Variants in TRPV4 observed in about 807,000 individuals in gnomAD.
TRPV4 encodes transient receptor potential cation channel subfamily V member 4, also known as OSM9-like transient receptor potential channel 4.
TRPV4 carries 58 observed loss-of-function variants against 84.1 expected under a neutral mutation model. The ratio of observed to expected loss-of-function variants is 0.69; its 90% CI spans 0.56 to 0.86. The LOEUF (loss-of-function observed/expected upper bound fraction) is 0.86, where lower values mean the gene tolerates loss of function less well. Among genes scored for constraint, TRPV4 ranks in the 40% least tolerant of loss-of-function variants. TRPV4 has a pLI of 0.00. For missense variants in TRPV4, 879 were observed against 1,181.1 expected (o/e 0.74, Z 3.75); for synonymous variants, 489 against 500.9 (o/e 0.98, Z 0.32).
At chr12:109,791,047 C>A (rs1889992799) in intron 12 of TRPV4, among the ~76,000 whole-genome samples, 1 of 152,178 alleles carries the variant, frequency 6.6e-6, no homozygotes, top group Middle Eastern at 3.2e-3. Flanking sequence ...CAAACCTGGC[C>A]CAGGGCAGCA....
chr12:109,823,469 GT>G (rs1892166140), intron 1 of TRPV4, among the ~76,000 whole-genome samples: 1 of 152,266 alleles, frequency 6.6e-6, no homozygotes, highest in African/African-American at 2.4e-5. Flanking sequence ...CAGGGACCAA[GT>G]CATTTCCAAG....
At position 109,786,782 on chromosome 12, in the gene TRPV4, G is replaced by A. The variant is rs746363121; in HGVS notation, c.2264C>T (p.Ala755Val). 5 of 1,614,050 alleles carry A rather than the reference G, an allele frequency of 3.1e-6. No individual in the cohort carries two copies. Among genetic ancestry groups the A allele is most frequent in the South Asian group, 1.1e-5 (1 of 91,084 alleles). The change falls in exon 14 of 16, where the codon GCC becomes GTC. Residue 755 changes from alanine (A) to valine (V), a missense_variant. Around this residue, in one of 4 missense-constraint regions of TRPV4, gnomAD observed 242 missense variants for 355.3 expected, o/e 0.68. Transcript: ENST00000261740. The surrounding 1 kb of genome is among the most constrained non-coding windows in gnomAD (Gnocchi z 4.5). Reference protein sequence around the residue: ...ERSFPVFLRKAFRSGEMVTVG... With the variant: ...ERSFPVFLRKVFRSGEMVTVG... The stretch of plus-strand genomic sequence containing the variant: ...GGTGACCATCTCCCCAGAGCGGAAG[G>A]CCTTCCTCAGGAATACGGGGAAGGA...
At position 109,800,699 on chromosome 12, in the gene TRPV4, CG is replaced by C; in HGVS notation, c.771del (p.Val258TrpfsTer47). 6.2e-7 allele frequency: 1 copy of C among 1,614,110 alleles called. No homozygotes were observed. Among genetic ancestry groups the C allele is most frequent in the Admixed American group, 1.7e-5 (1 of 60,032 alleles). On this transcript the variant is annotated frameshift_variant, in exon 5 of 16. Transcript: ENST00000261740. LOFTEE classifies it high-confidence loss of function. ...ERRCKHYVELLVAQGADVHAQ... is the reference protein window; with the variant it reads ...ERRCKHYVELXVAQGADVHAQ... ...GCGTGGACATCAGCTCCCTGGGCCACGAGAAGTTCCACGTAGTGTTTGCAGC... is the reference window on the plus strand; with the variant it reads ...GCGTGGACATCAGCTCCCTGGGCCACAGAAGTTCCACGTAGTGTTTGCAGC...
chr12:109,823,722 T>C (rs1892174052), intron 1 of TRPV4, among the ~76,000 whole-genome samples: 1 of 152,050 alleles, frequency 6.6e-6, no homozygotes. Flanking sequence ...TGGAATGAGA[T>C]AGTGCTGATG....
At position 109,786,145 on chromosome 12, in the gene TRPV4, C is replaced by T. The variant is rs926489479; in HGVS notation, c.2336+565G>A. On this transcript the variant is annotated intron_variant, in intron 14 of 15. Transcript: ENST00000261740. The surrounding 1 kb of genome is among the most constrained non-coding windows in gnomAD (Gnocchi z 4.5). Reference sequence around the variant, plus strand: ...ATGCTCCATGCTGACAACCACTTTACAATGAATGAATCAACTGGAAAGAAA... The same window carrying T: ...ATGCTCCATGCTGACAACCACTTTATAATGAATGAATCAACTGGAAAGAAA... 1.3e-5 allele frequency among the ~76,000 whole-genome samples: 2 copies of T among 152,182 alleles called. No homozygotes were observed. The highest frequency in any genetic ancestry group is 6.5e-5 in the Admixed American group (1 of 15,286).
rs1374109681 is a variant in TRPV4 at position 109,786,186 on chromosome 12, T to C, written c.2336+524A>G. ...TGGAAAGAAAAGATTCATGAAGGGG[T>C]TCCCCTAAGAAGCTGGCACTCCCTG... On this transcript the variant is annotated intron_variant, in intron 14 of 15. Transcript: ENST00000261740. This position sits in a 1 kb window ranked among gnomAD's most constrained non-coding sequence, Gnocchi z 4.5. Among the ~76,000 whole-genome samples, 1 of 152,054 alleles carries C rather than the reference T, an allele frequency of 6.6e-6. No homozygotes were observed. The highest frequency in any genetic ancestry group is 1.5e-5 in the Non-Finnish European group (1 of 67,972).
In TRPV4 at chr12:109,786,117, C is replaced by T. The variant is rs1046097237; in HGVS notation, c.2336+593G>A. On this transcript the variant is annotated intron_variant, in intron 14 of 15. Coordinates refer to ENST00000261740, the MANE Select transcript of TRPV4 (RefSeq NM_021625.5). The surrounding 1 kb of genome is among the most constrained non-coding windows in gnomAD (Gnocchi z 4.5). ...ACTTTGTCTGACTCCAAACATTCTG[C>T]TTATGCTCCATGCTGACAACCACTT... is the stretch of plus-strand genomic sequence containing the variant. Among the ~76,000 whole-genome samples, 1 of 152,150 alleles carries T rather than the reference C, an allele frequency of 6.6e-6. No homozygotes were observed. Among genetic ancestry groups the T allele is most frequent in the Non-Finnish European group, 1.5e-5 (1 of 68,008 alleles).
chr12:109,801,911 T>C (rs1890811290), intron 4 of TRPV4, among the ~76,000 whole-genome samples: 1 of 152,174 alleles, frequency 6.6e-6, no homozygotes, highest in Admixed American at 6.5e-5. Context: ...TTCATGGATT[T>C]TGAATCTTAA....
rs758830565 is a variant in TRPV4 at position 109,788,458 on chromosome 12, A to G, written c.2150T>C (p.Leu717Pro). The G allele has an allele frequency of 6.2e-7, 1 of 1,614,190 alleles. No homozygotes were observed. The highest frequency in any genetic ancestry group is 8.5e-7 in the Non-Finnish European group (1 of 1,180,032). ...FVLLLNMLIA[L>P]MGETVGQVSK... ...GACCTGGCCCACTGTCTCGCCCATG[A>G]GGGCAATGAGCATGTTGAGGAGCAG... The change falls in exon 13 of 16, where the codon CTC becomes CCC. Residue 717 changes from leucine to proline, a missense_variant. Transcript: ENST00000261740.
At chr12:109,812,836 T>A (rs1400590852) in intron 2 of TRPV4, among the ~76,000 whole-genome samples, 1 of 152,158 alleles carries the variant, frequency 6.6e-6, no homozygotes, top group Non-Finnish European at 1.5e-5. Flanking sequence ...GTTGGTTATA[T>A]GGGTGTATGG....
intron 3 of TRPV4, among the ~76,000 whole-genome samples, chr12:109,806,811 T>C (rs879467518): frequency 6.9e-6 from 1 of 144,026 alleles, no homozygotes; most frequent in African/African-American, 2.6e-5. Flanking sequence ...CAGGGAGCTG[T>C]GATCACACCA....
At chr12:109,794,297 C>A (rs1352431492) in intron 8 of TRPV4, 32 bp downstream of exon 8, 13 of 1,608,712 alleles carry the variant, frequency 8.1e-6, no homozygotes, top group Non-Finnish European at 1.0e-5. Flanking sequence ...CCAGTGCCTG[C>A]CCCAGCCCCT....
chr12:109,792,355 G>C lies in TRPV4; in HGVS notation c.1891+8C>G. 1 of 1,611,876 alleles carries C rather than the reference G, an allele frequency of 6.2e-7. No homozygotes were observed. Among genetic ancestry groups the C allele is most frequent in the Non-Finnish European group, 8.5e-7 (1 of 1,178,872 alleles). On this transcript the variant is annotated splice_region_variant and intron_variant, in intron 12 of 15. Transcript: ENST00000261740. ...CCTGCCAGGACCACCTGAGCACCCA[G>C]AGCTCACCTGAAGCGTAGCCGATCA...
rs951121847 is a variant in TRPV4 at position 109,783,516 on chromosome 12, C to T, written c.*105G>A. 5.1e-5 allele frequency: 75 copies of T among 1,477,368 alleles called. No homozygotes were observed. In the African/African-American group the frequency reaches 1.0e-3, roughly 20 times the overall value. 91.5% of individuals were successfully genotyped at this position (1,477,368 alleles called of 1,614,324 possible). On this transcript the variant is annotated 3_prime_UTR_variant, in exon 16 of 16. Transcript: ENST00000261740. This position sits in a 1 kb window ranked among gnomAD's most constrained non-coding sequence, Gnocchi z 4.6. ...CCTGGCACCTCCACTGGTCCCTCGC[C>T]TCTGGGGCCAAAGCAGGGTGTGGGG...
intron 1 of TRPV4, among the ~76,000 whole-genome samples, chr12:109,827,851 T>C (rs915334303): frequency 6.6e-6 from 1 of 151,102 alleles, no homozygotes; most frequent in African/African-American, 2.5e-5. Context: ...CATACACATA[T>C]AGACATACAT....
intron 4 of TRPV4, among the ~76,000 whole-genome samples, chr12:109,801,062 C>A (rs1372196993): frequency 6.6e-6 from 1 of 152,164 alleles, no homozygotes; most frequent in Non-Finnish European, 1.5e-5. Context: ...GCCTGTAATC[C>A]CAGCAATTTG....
At chr12:109,821,307 C>A (rs1384775089) in intron 1 of TRPV4, among the ~76,000 whole-genome samples, 1 of 152,224 alleles carries the variant, frequency 6.6e-6, no homozygotes, top group Non-Finnish European at 1.5e-5. Flanking sequence ...AGAGAACTCG[C>A]AGTCCAGGAG....
Position 109,808,319 on chromosome 12 carries a change from C to T in TRPV4, c.536G>A (p.Arg179His), listed in dbSNP as rs1362478789. Reference protein sequence around the residue: ...LLPFLLTHKKRLTDEEFREPS... With the variant: ...LLPFLLTHKKHLTDEEFREPS... ...ACCTCGAAACTCCTCATCAGTTAGG[C>T]GTTTCTTGTGGGTCAGCAAGAATGG... Residue 179 changes from arginine to histidine, a missense_variant, in exon 3 of 16, where the codon CGC becomes CAC. Transcript: ENST00000261740. 29 of 1,614,172 alleles carry T rather than the reference C, an allele frequency of 1.8e-5. No homozygotes were observed. The highest frequency in any genetic ancestry group is 2.2e-5 in the Non-Finnish European group (26 of 1,180,024).
intron 1 of TRPV4, among the ~76,000 whole-genome samples, chr12:109,818,379 G>A (rs1248361015): frequency 1.3e-5 from 2 of 151,448 alleles, no homozygotes; most frequent in Admixed American, 6.6e-5. Flanking sequence ...ACAGCGCTGA[G>A]GTTGAGAAAA....
Sources: gnomAD v4.1 joint callset for allele counts (sites outside exome capture counted in the v4.1 genomes callset) on GRCh38, gnomAD v4.1.1 for gene constraint, gnomAD v4.1.1 regional missense constraint, Gnocchi (gnomAD v3.1) non-coding constraint, MANE v1.5 for transcripts, NCBI Gene and HGNC (gene_info 2026-07-23, HGNC 2026-07-21) for gene names.